The following SLC38A11 variants were observed in gnomAD, a reference collection of about 807,000 sequenced individuals.
SLC38A11 encodes the protein putative sodium-coupled neutral amino acid transporter 11.
In SLC38A11, 51 loss-of-function variants were observed where a neutral mutation model predicts 49.4. That is an observed-to-expected ratio of 1.03 (90% confidence interval 0.83 to 1.30). The LOEUF (loss-of-function observed/expected upper bound fraction) is 1.30, where lower values mean the gene tolerates loss of function less well. SLC38A11 is among the 50% of genes most tolerant of loss of function. SLC38A11 has a pLI of 0.00. For missense variants in SLC38A11, 574 were observed against 556.2 expected, an observed-to-expected ratio of 1.03 and a Z score of -0.32; for synonymous variants, 203 against 192.9, an observed-to-expected ratio of 1.05 and a Z score of -0.43.
rs1052079994 is a variant in SLC38A11 at position 164,954,594 on chromosome 2, T to C, written c.154+37A>G. The C allele has an allele frequency of 2.7e-6, 3 of 1,122,136 alleles. No homozygotes were observed. The East Asian group carries it at 8.1e-5, about 30-fold the overall frequency. 69.5% of individuals were successfully genotyped at this position (1,122,136 alleles called of 1,614,324 possible). A position where few individuals can be genotyped will look rare whatever the true frequency, so the allele number is the denominator to read the frequency against. ...GCGTAGCGAGTCTTAAATTTTGCCC[T>C]TTCACTTAAAATTTAAACCAAAGCA... On this transcript the variant is annotated intron_variant, in intron 2 of 11. Transcript: ENST00000685975.
At chr2:164,954,249 A>G (rs1688703517) in intron 2 of SLC38A11, among the ~76,000 whole-genome samples, 1 of 152,200 alleles carries the variant, frequency 6.6e-6, no homozygotes, top group Admixed American at 6.5e-5. Context: ...TTATACTTCT[A>G]GAAAGTTAAA....
At chr2:164,940,869 G>A (rs1687720895) in intron 5 of SLC38A11, among the ~76,000 whole-genome samples, 1 of 151,756 alleles carries the variant, frequency 6.6e-6, no homozygotes, top group African/African-American at 2.4e-5. Context: ...ATAAAATTAA[G>A]AATTAAAATA....
At chr2:164,916,073 T>A in intron 7 of SLC38A11, 100 bp from the exon 8 acceptor site, 1 of 746,658 alleles carries the variant, frequency 1.3e-6, no homozygotes. Context: ...ACTGAGTGTC[T>A]TTAAGCCAGA....
chr2:164,946,498 A>G (rs941916339), intron 3 of SLC38A11, among the ~76,000 whole-genome samples: 16 of 150,952 alleles, frequency 1.1e-4, no homozygotes, highest in East Asian at 3.9e-4. Context: ...TCCAGGAGGC[A>G]GAAGCTGCAG....
rs1684698200 is a variant in SLC38A11 at position 164,902,164 on chromosome 2, GA to G, written c.1096-3435del. Among the ~76,000 whole-genome samples, 7 of 151,494 alleles carry G rather than the reference GA, an allele frequency of 4.6e-5. No individual in the cohort carries two copies. The South Asian group carries it at 1.5e-3, about 32-fold the overall frequency. On this transcript the variant is annotated intron_variant, in intron 11 of 11. Transcript: ENST00000685975. ...CCACCTCAGCATCCTGAGTTGTTGAGACTACAGGCACATGCTACCATGTCTG... is the reference window on the plus strand; with the variant it reads ...CCACCTCAGCATCCTGAGTTGTTGAGCTACAGGCACATGCTACCATGTCTG...
chr2:164,908,453 C>A (rs910311973), intron 11 of SLC38A11, among the ~76,000 whole-genome samples, 187 bp downstream of exon 11: 1 of 152,082 alleles, frequency 6.6e-6, no homozygotes, highest in Non-Finnish European at 1.5e-5. Flanking sequence ...ACAACCACTA[C>A]TTTAAAACTA....
intron 7 of SLC38A11, among the ~76,000 whole-genome samples, chr2:164,934,888 A>C (rs953821493): frequency 2.0e-5 from 3 of 152,170 alleles, no homozygotes; most frequent in African/African-American, 7.2e-5. Flanking sequence ...ACAGACACTA[A>C]ATAAATATCA....
At chr2:164,913,560 A>G (rs891407992) in intron 9 of SLC38A11, among the ~76,000 whole-genome samples, 1 of 152,070 alleles carries the variant, frequency 6.6e-6, no homozygotes, top group African/African-American at 2.4e-5. Context: ...AATTACAGCT[A>G]GGGGGAAAAC....
intron 7 of SLC38A11, among the ~76,000 whole-genome samples, chr2:164,926,035 C>T (rs917863420): frequency 6.6e-6 from 1 of 152,158 alleles, no homozygotes; most frequent in Non-Finnish European, 1.5e-5. Flanking sequence ...ATTACTTGAG[C>T]TTCTCCTCCT....
chr2:164,925,686 G>A (rs1017692072), intron 7 of SLC38A11, among the ~76,000 whole-genome samples: 4 of 152,026 alleles, frequency 2.6e-5, no homozygotes, highest in Admixed American at 6.6e-5. Flanking sequence ...CCCTAGCAGC[G>A]TATTCATAAT....
rs551177833 is a variant in SLC38A11, at chr2:164,919,191, A to G, written c.618-3218T>C. Among the ~76,000 whole-genome samples the G allele has an allele frequency of 1.4e-3, 208 of 152,160 alleles. 2 individuals carry two copies. The highest frequency in any genetic ancestry group is 6.8e-3 in the Middle Eastern group (2 of 294). ...CAAAAAATAAAAACATTAGCCAGGC[A>G]TGATGGTGTGTGCCTATACACCCAA... On this transcript the variant is annotated intron_variant, in intron 7 of 11. Coordinates refer to ENST00000685975, the MANE Select transcript of SLC38A11 (RefSeq NM_001351537.2).
At chr2:164,937,491 T>C in intron 6 of SLC38A11, 62 bp from the exon 7 acceptor site, 2 of 1,107,012 alleles carry the variant, frequency 1.8e-6, no homozygotes, top group South Asian at 1.3e-5. Flanking sequence ...TTTAAAATGT[T>C]AAGTCTTTCT....
chr2:164,910,296 T>G (rs1289804498), intron 10 of SLC38A11, among the ~76,000 whole-genome samples: 1 of 152,108 alleles, frequency 6.6e-6, no homozygotes, highest in African/African-American at 2.4e-5. Context: ...TCAGATCGTC[T>G]GCAGGCAGGC....
intron 7 of SLC38A11, among the ~76,000 whole-genome samples, chr2:164,926,655 C>G (rs1474876751): frequency 6.6e-6 from 1 of 152,054 alleles, no homozygotes; most frequent in Non-Finnish European, 1.5e-5. Flanking sequence ...AAATGAGGCA[C>G]ATATACACCA....
In SLC38A11 at chr2:164,955,311, A is replaced by G. The variant is rs1688776694; in HGVS notation, c.-64T>C. On this transcript the variant is annotated 5_prime_UTR_variant, in exon 1 of 12. Coordinates refer to ENST00000685975, the MANE Select transcript of SLC38A11 (RefSeq NM_001351537.2). ...GCTGGGTACGGATTCGCACCCGGCC[A>G]GCCTCCTCCGCCACCTCGCACACAG... The G allele has an allele frequency of 2.0e-6, 3 of 1,465,276 alleles. No homozygotes were observed. Among genetic ancestry groups the G allele is most frequent in the Non-Finnish European group, 2.8e-6 (3 of 1,069,546 alleles). 90.8% of individuals were successfully genotyped at this position (1,465,276 alleles called of 1,614,324 possible).
At chr2:164,944,354 C>A (rs1204157710) in intron 5 of SLC38A11, among the ~76,000 whole-genome samples, 1 of 151,892 alleles carries the variant, frequency 6.6e-6, no homozygotes, top group Admixed American at 6.6e-5. Flanking sequence ...TAAATAGTAA[C>A]AACATTTTTT....
At position 164,896,302 on chromosome 2, in the gene SLC38A11, A is replaced by G. The variant is rs1277834650; in HGVS notation, c.*2135T>C. 1 of 152,132 alleles carries G rather than the reference A, an allele frequency of 6.6e-6. No individual in the cohort carries two copies. The highest frequency in any genetic ancestry group is 1.5e-5 in the Non-Finnish European group (1 of 68,022). The allele number at this position is 152,132 out of a possible 1,614,324, so 9.4% of individuals were successfully genotyped here. A position where few individuals can be genotyped will look rare whatever the true frequency, so the allele number is the denominator to read the frequency against. On this transcript the variant is annotated 3_prime_UTR_variant, in exon 12 of 12. Transcript: ENST00000685975. ...TGATTAAAAATAAATAAACCAATAC[A>G]TGTTTATTAGGCACTAATGCTGCGC...
At position 164,955,290 on chromosome 2, in the gene SLC38A11, G is replaced by A. The variant is rs904141149; in HGVS notation, c.-43C>T. The stretch of plus-strand genomic sequence containing the variant: ...CAGCAGGTGGAAGATGCTGGGGCTG[G>A]GTACGGATTCGCACCCGGCCAGCCT... On this transcript the variant is annotated 5_prime_UTR_variant, in exon 1 of 12. Transcript: ENST00000685975. 1.7e-5 allele frequency: 26 copies of A among 1,544,490 alleles called. 1 individual carries two copies. In the South Asian group the frequency reaches 1.9e-4, roughly 11 times the overall value.
chr2:164,937,515 G>A (rs1453836713), intron 6 of SLC38A11, 86 bp from the exon 7 acceptor site: 3 of 897,048 alleles, frequency 3.3e-6, no homozygotes, highest in African/African-American at 1.7e-5. Context: ...TTTTAATTGG[G>A]TAAACTTACA....
Sources: gnomAD v4.1 joint callset for allele counts (sites outside exome capture counted in the v4.1 genomes callset) on GRCh38, gnomAD v4.1.1 for gene constraint, MANE v1.5 for transcripts, NCBI Gene and HGNC (gene_info 2026-07-23, HGNC 2026-07-21) for gene names.